Variants in NELL1 observed in about 807,000 individuals in gnomAD.
The protein encoded by NELL1 is neural EGFL like 1.
NELL1 carries 76 observed loss-of-function variants against 107.4 expected under a neutral mutation model. The ratio of observed to expected loss-of-function variants is 0.71; its 90% CI spans 0.59 to 0.86. NELL1 has a LOEUF of 0.86. Ranked by LOEUF, NELL1 falls within the 40% of genes least tolerant of loss-of-function variation. NELL1 has a pLI of 0.00. For missense variants in NELL1, 1,024 were observed against 1,005.5 expected, an observed-to-expected ratio of 1.02 and a Z score of -0.25; for synonymous variants, 353 against 341.2, an observed-to-expected ratio of 1.03 and a Z score of -0.38.
intron 14 of NELL1, among the ~76,000 whole-genome samples, chr11:21,272,855 A>G (rs909542728): frequency 8.5e-5 from 13 of 152,334 alleles, no homozygotes; most frequent in African/African-American, 3.1e-4. Context: ...GACTGTTAGA[A>G]GGAAAACTAA....
At chr11:21,117,361 C>T in intron 13 of NELL1, among the ~76,000 whole-genome samples, 1 of 151,862 alleles carries the variant, frequency 6.6e-6, no homozygotes, top group East Asian at 1.9e-4. Context: ...GGCCTTTTTC[C>T]TTTTGTTCTC....
intron 3 of NELL1, among the ~76,000 whole-genome samples, chr11:20,785,515 A>G (rs563824287): frequency 3.9e-5 from 6 of 152,356 alleles, no homozygotes; most frequent in Non-Finnish European, 7.3e-5. Context: ...CTTCTTTGGT[A>G]TGAGGGTTAT....
chr11:21,474,187 T>G (rs145345517), intron 15 of NELL1, among the ~76,000 whole-genome samples: 1 of 152,160 alleles, frequency 6.6e-6, no homozygotes, highest in African/African-American at 2.4e-5. Flanking sequence ...CACATTAACT[T>G]TCTTTACTTA....
At chr11:20,793,853 C>T (rs1857120986) in intron 3 of NELL1, among the ~76,000 whole-genome samples, 1 of 151,940 alleles carries the variant, frequency 6.6e-6, no homozygotes, top group African/African-American at 2.4e-5. Flanking sequence ...TTTTGAGTTG[C>T]AGAATTTTTT....
At chr11:21,196,883 C>CTTTTTTTTT (rs200792090) in intron 13 of NELL1, among the ~76,000 whole-genome samples, 2 of 136,282 alleles carry the variant, frequency 1.5e-5, no homozygotes, top group Non-Finnish European at 1.6e-5. Context: ...CTTTTCTTTT[C>CTTTTTTTTT]TTTTTTTTTT....
chr11:21,524,072 A>G (rs990556732), intron 15 of NELL1, among the ~76,000 whole-genome samples: 2 of 152,124 alleles, frequency 1.3e-5, no homozygotes, highest in African/African-American at 4.8e-5. Flanking sequence ...TATTTTTAAT[A>G]GTTTCTTCAA....
chr11:21,082,723 A>C (rs531803158), intron 12 of NELL1, among the ~76,000 whole-genome samples: 144 of 152,018 alleles, frequency 9.5e-4, no homozygotes, highest in South Asian at 3.5e-3. Flanking sequence ...CCCTCCCCCC[A>C]AAAAAACAGT....
chr11:21,351,241 G>A (rs759666402), intron 14 of NELL1, among the ~76,000 whole-genome samples: 46 of 151,932 alleles, frequency 3.0e-4, no homozygotes, highest in African/African-American at 8.9e-4. Context: ...CTATCCAGCC[G>A]ACACCTTGAT....
intron 2 of NELL1, among the ~76,000 whole-genome samples, chr11:20,752,489 C>A (rs1430579947): frequency 6.6e-6 from 1 of 152,122 alleles, no homozygotes; most frequent in African/African-American, 2.4e-5. Flanking sequence ...GTGGAGGTTG[C>A]GGTGAGCCAG....
intron 13 of NELL1, among the ~76,000 whole-genome samples, chr11:21,156,424 A>G (rs1856236183): frequency 6.6e-6 from 1 of 152,146 alleles, no homozygotes; most frequent in South Asian, 2.1e-4. Context: ...CAAGAGTTTA[A>G]GTGATGGACA....
In NELL1 at chr11:20,695,168, G is replaced by A. The variant is rs922472032; in HGVS notation, c.184+17108G>A. On this transcript the variant is annotated intron_variant, in intron 2 of 19. Transcript: ENST00000357134. Reference sequence around the variant, plus strand: ...TCTCTCCTGAAAGTTTACTGAAGTCGTTTATGAGTTCCAGGAACCTTTTGG... The same window carrying A: ...TCTCTCCTGAAAGTTTACTGAAGTCATTTATGAGTTCCAGGAACCTTTTGG... 2.6e-5 allele frequency among the ~76,000 whole-genome samples: 4 copies of A among 152,054 alleles called. No homozygotes were observed. The South Asian group carries it at 8.3e-4, about 32-fold the overall frequency.
chr11:20,675,905 G>A (rs1854043893), intron 1 of NELL1, among the ~76,000 whole-genome samples: 1 of 151,926 alleles, frequency 6.6e-6, no homozygotes, highest in African/African-American at 2.4e-5. Context: ...ACGCCACCAT[G>A]CCCGGCTAAT....
chr11:21,306,881 T>C (rs1317990986), intron 14 of NELL1, among the ~76,000 whole-genome samples: 1 of 152,082 alleles, frequency 6.6e-6, no homozygotes, highest in Non-Finnish European at 1.5e-5. Flanking sequence ...TGTAATAACA[T>C]TTAAGATGCA....
chr11:21,382,677 C>A (rs533808433), intron 15 of NELL1, among the ~76,000 whole-genome samples: 2 of 151,796 alleles, frequency 1.3e-5, no homozygotes, highest in African/African-American at 4.8e-5. Flanking sequence ...CCCTTTGTAA[C>A]TTTACCATTA....
intron 15 of NELL1, among the ~76,000 whole-genome samples, chr11:21,470,383 C>T (rs11026101): frequency 6.6e-5 from 10 of 152,096 alleles, no homozygotes; most frequent in Non-Finnish European, 1.3e-4. Flanking sequence ...TCATTTCTTG[C>T]CTTCTCTTAC....
chr11:21,089,939 C>T (rs116061380), intron 12 of NELL1, among the ~76,000 whole-genome samples: 12 of 152,222 alleles, frequency 7.9e-5, no homozygotes, highest in South Asian at 4.1e-4. Context: ...GTTAGGCTTT[C>T]GTATGGTGCT....
intron 15 of NELL1, among the ~76,000 whole-genome samples, chr11:21,372,028 G>C (rs1851368038): frequency 6.6e-6 from 1 of 151,924 alleles, no homozygotes; most frequent in African/African-American, 2.4e-5. Context: ...GTTCAGTAAG[G>C]AAGTCAGTGA....
chr11:21,377,792 C>A (rs1429735261), intron 15 of NELL1, among the ~76,000 whole-genome samples: 1 of 152,186 alleles, frequency 6.6e-6, no homozygotes, highest in South Asian at 2.1e-4. Context: ...AGGAATTCAT[C>A]CATTTCCTCT....
rs116558984 is a variant in NELL1, at chr11:21,471,392, T to C, written c.1646-62982T>C. 1.1e-3 allele frequency among the ~76,000 whole-genome samples: 169 copies of C among 152,206 alleles called. 1 individual carries two copies. Among genetic ancestry groups the C allele is most frequent in the African/African-American group, 4.0e-3 (166 of 41,570 alleles). ...ATGCTTTAATAAAACTATTTAGAAA[T>C]ATGTTCTTTTCTGATTCATCCTAAC... On this transcript the variant is annotated intron_variant, in intron 15 of 19. Transcript: ENST00000357134.
Sources: gnomAD v4.1 joint callset for allele counts (sites outside exome capture counted in the v4.1 genomes callset) on GRCh38, gnomAD v4.1.1 for gene constraint, MANE v1.5 for transcripts, NCBI Gene and HGNC (gene_info 2026-07-23, HGNC 2026-07-21) for gene names.